RFX2: variants seen among roughly 807,000 people sequenced by gnomAD.
RFX2 encodes regulatory factor X2.
A neutral mutation model predicts 87.8 loss-of-function variants in RFX2; 20 were observed. The observed-to-expected ratio is 0.23, with a 90% confidence interval of 0.16 to 0.33. The LOEUF is 0.33. Among genes scored for constraint, RFX2 ranks in the 10% least tolerant of loss-of-function variants. The probability of loss-of-function intolerance (pLI) is 1.00; values close to 1 mark genes in which losing one functional copy is unlikely to be tolerated. For synonymous variants in RFX2, 397 were observed against 431.3 expected, an observed-to-expected ratio of 0.92 and a Z score of 0.98; for missense variants, 767 against 1,012.3, an observed-to-expected ratio of 0.76 and a Z score of 3.29.
At chr19:6,091,278 T>C (rs1568193461) in intron 1 of RFX2, among the ~76,000 whole-genome samples, 1 of 152,016 alleles carries the variant, frequency 6.6e-6, no homozygotes, top group Non-Finnish European at 1.5e-5. Context: ...ATTGCTTGAA[T>C]CCCGGAGTTT....
chr19:6,081,985 G>A (rs916955464), intron 1 of RFX2, among the ~76,000 whole-genome samples: 79 of 152,212 alleles, frequency 5.2e-4, no homozygotes, highest in African/African-American at 1.9e-3. Flanking sequence ...CTACTCTGGA[G>A]GCTGAGGCAG....
intron 1 of RFX2, chr19:6,072,845 T>A (rs2087628980): frequency 2.3e-6 from 3 of 1,296,322 alleles, no homozygotes; most frequent in Non-Finnish European, 3.3e-6. Flanking sequence ...AGACCCCTCG[T>A]GAAGCCCAAG....
intron 9 of RFX2, among the ~76,000 whole-genome samples, chr19:6,009,745 C>A (rs1242990617): frequency 2.0e-5 from 3 of 152,092 alleles, no homozygotes; most frequent in African/African-American, 7.2e-5. Flanking sequence ...CTATGCCTGG[C>A]TAATTTTTTA....
chr19:6,107,616 CAAAAAAA>C lies in RFX2; in HGVS notation c.-9+2770_-9+2776del, dbSNP rs1156483792. Among the ~76,000 whole-genome samples, 216 of 31,540 alleles carry C rather than the reference CAAAAAAA, an allele frequency of 6.8e-3. 1 individual carries two copies. The highest frequency in any genetic ancestry group is 0.013 in the Admixed American group (31 of 2,370). The allele number at this position is 31,540 out of a possible 152,430, so 20.7% of individuals were successfully genotyped here. ...TGGGTGACAGAGTGAGACCCTGTCT[CAAAAAAA>C]AAAAAAAAAAAAAAAAAAAAATCCA... On this transcript the variant is annotated intron_variant, in intron 1 of 17. Coordinates refer to ENST00000303657, the MANE Select transcript of RFX2 (RefSeq NM_000635.4).
intron 2 of RFX2, among the ~76,000 whole-genome samples, chr19:6,046,831 A>G (rs2087197962): frequency 6.6e-6 from 1 of 151,644 alleles, no homozygotes; most frequent in Non-Finnish European, 1.5e-5. Context: ...TGTCACAATC[A>G]TGGCTTACTG....
At chr19:6,043,699 AAC>A (rs1367825158) in intron 3 of RFX2, among the ~76,000 whole-genome samples, 1 of 152,264 alleles carries the variant, frequency 6.6e-6, no homozygotes, top group African/African-American at 2.4e-5. Context: ...CTTTTCTGGA[AAC>A]AGTTTGCTAA....
chr19:6,051,937 C>T (rs1752455816), intron 1 of RFX2, among the ~76,000 whole-genome samples: 1 of 151,996 alleles, frequency 6.6e-6, no homozygotes, highest in Admixed American at 6.6e-5. Context: ...GAGTGCAGTG[C>T]CACAGTCTCA....
In RFX2 at chr19:6,101,342, G is replaced by T. The variant is rs548173922; in HGVS notation, c.-9+9051C>A. Among the ~76,000 whole-genome samples the T allele has an allele frequency of 3.9e-4, 60 of 152,288 alleles. 1 individual carries two copies. The highest frequency in any genetic ancestry group is 1.3e-3 in the African/African-American group (56 of 41,562). On this transcript the variant is annotated intron_variant, in intron 1 of 17. Coordinates refer to ENST00000303657, the MANE Select transcript of RFX2 (RefSeq NM_000635.4). This position sits in a 1 kb window ranked among gnomAD's most constrained non-coding sequence, Gnocchi z 4.9. ...TTTTTTCTCAAGGCAGGCTACATCT[G>T]TCTGTATGTATTCTGAGAAGGACAG...
intron 6 of RFX2, among the ~76,000 whole-genome samples, chr19:6,018,578 G>T (rs2086762845): frequency 1.3e-5 from 2 of 152,228 alleles, no homozygotes; most frequent in African/African-American, 4.8e-5. Flanking sequence ...TTTAGGAAGG[G>T]GGAAGTTAAG....
At chr19:6,054,047 C>A (rs1458949386) in intron 1 of RFX2, among the ~76,000 whole-genome samples, 1 of 151,040 alleles carries the variant, frequency 6.6e-6, no homozygotes, top group African/African-American at 2.4e-5. Context: ...ACCCAAATTG[C>A]CAATATCAGG....
rs937066829 is a variant in RFX2, at chr19:6,039,343, G to A, written c.522+637C>T. ...GTGACTGCCAAGAAATACCACGAGG[G>A]GGTTTTCAGGGCAATGCACTGTTCT... On this transcript the variant is annotated intron_variant, in intron 5 of 17. Coordinates refer to ENST00000303657, the MANE Select transcript of RFX2 (RefSeq NM_000635.4). This position sits in a 1 kb window ranked among gnomAD's most constrained non-coding sequence, Gnocchi z 5.2. Among the ~76,000 whole-genome samples, 1 of 152,160 alleles carries A rather than the reference G, an allele frequency of 6.6e-6. No homozygotes were observed. Among genetic ancestry groups the A allele is most frequent in the Non-Finnish European group, 1.5e-5 (1 of 68,034 alleles).
intron 1 of RFX2, among the ~76,000 whole-genome samples, chr19:6,097,677 G>A (rs1033061992): frequency 2.6e-5 from 4 of 152,074 alleles, no homozygotes; most frequent in Admixed American, 6.6e-5. Flanking sequence ...GTAACTCGTG[G>A]GCTCAAGTAA....
At chr19:6,009,748 AT>A (rs1477470805) in intron 9 of RFX2, among the ~76,000 whole-genome samples, 1 of 151,960 alleles carries the variant, frequency 6.6e-6, no homozygotes, top group Non-Finnish European at 1.5e-5. Flanking sequence ...TGCCTGGCTA[AT>A]TTTTTAAGTT....
chr19:6,042,245 CCGCCCACAGTCGGCA>C, intron 3 of RFX2, 122 bp from the exon 4 acceptor site: 1 of 853,232 alleles, frequency 1.2e-6, no homozygotes, highest in Admixed American at 1.9e-5. Context: ...GACAATGTTC[CCGCCCACAGTCGGCA>C]CGCCTAGAAA....
chr19:6,048,800 G>T (rs554130110), intron 1 of RFX2, among the ~76,000 whole-genome samples: 9 of 152,342 alleles, frequency 5.9e-5, no homozygotes, highest in African/African-American at 2.2e-4. Flanking sequence ...GGATATGTGT[G>T]TTTGAATTCG....
At position 5,997,090 on chromosome 19, in the gene RFX2, G is replaced by T. The variant is rs201839547; in HGVS notation, c.1983C>A (p.Thr661=). The change falls in exon 16 of 18, where the codon ACC becomes ACA. Residue 661 remains threonine (T), a synonymous_variant. Transcript: ENST00000303657. This position sits in a 1 kb window ranked among gnomAD's most constrained non-coding sequence, Gnocchi z 4.2. ...CCATCACAGCGATCGGCGTCTCTCC[G>T]GTGGCCTCCGCGACGCGGTGCTCCA... ...YLVEHRVAEA[T]GETPIAVMGE... 1.9e-6 allele frequency: 3 copies of T among 1,612,842 alleles called. No homozygotes were observed. The highest frequency in any genetic ancestry group is 1.7e-6 in the Non-Finnish European group (2 of 1,179,908).
At chr19:6,104,681 G>C (rs1020777805) in intron 1 of RFX2, among the ~76,000 whole-genome samples, 1 of 152,090 alleles carries the variant, frequency 6.6e-6, no homozygotes, top group African/African-American at 2.4e-5. Flanking sequence ...AGCTGAGATT[G>C]CAGGTGTGAG....
chr19:6,030,005 G>A (rs2086935559), intron 5 of RFX2, among the ~76,000 whole-genome samples: 1 of 152,204 alleles, frequency 6.6e-6, no homozygotes, highest in African/African-American at 2.4e-5. Flanking sequence ...ACACCACCAA[G>A]CTTACCAACA....
chr19:6,033,201 C>T (rs746787329), intron 5 of RFX2, among the ~76,000 whole-genome samples: 20 of 152,210 alleles, frequency 1.3e-4, no homozygotes, highest in Admixed American at 7.9e-4. Flanking sequence ...AACTAATCCA[C>T]GGACGTTATA....
Sources: gnomAD v4.1 joint callset for allele counts (sites outside exome capture counted in the v4.1 genomes callset) on GRCh38, gnomAD v4.1.1 for gene constraint, Gnocchi (gnomAD v3.1) non-coding constraint, MANE v1.5 for transcripts, NCBI Gene and HGNC (gene_info 2026-07-23, HGNC 2026-07-21) for gene names.